SLC26A9: variants seen among roughly 807,000 people sequenced by gnomAD.
SLC26A9 encodes solute carrier family 26 member 9, also known as anion transporter/exchanger protein 9.
SLC26A9 carries 46 observed loss-of-function variants against 87.1 expected under a neutral mutation model. That is an observed-to-expected ratio of 0.53 (90% CI 0.42 to 0.67). The LOEUF (loss-of-function observed/expected upper bound fraction) is 0.67. Ranked by LOEUF, SLC26A9 falls within the 30% of genes least tolerant of loss-of-function variation. The pLI, the probability that SLC26A9 is intolerant of heterozygous loss-of-function variation, is 0.00. For synonymous variants in SLC26A9, 437 were observed against 409.1 expected (o/e 1.07, Z -0.82); for missense variants, 927 against 1,018.3 (o/e 0.91, Z 1.22).
chr1:205,924,525 A>G (rs761273970), intron 12 of SLC26A9, 36 bp from the exon 13 acceptor site: 3 of 1,596,810 alleles, frequency 1.9e-6, no homozygotes, highest in African/African-American at 1.3e-5. Flanking sequence ...AGACCTGGGG[A>G]AAAAACAACC....
intron 18 of SLC26A9, 99 bp downstream of exon 18, chr1:205,920,077 T>TA: frequency 7.3e-7 from 1 of 1,374,888 alleles, no homozygotes; most frequent in Non-Finnish European, 1.0e-6. Context: ...AGCTGGGTGC[T>TA]CTCGTTTCCA....
At position 205,918,914 on chromosome 1, in the gene SLC26A9, G is replaced by A. The variant is rs1346297863; in HGVS notation, c.2182C>T (p.Pro728Ser). ...DGSLECKHVF[P>S]SIHDAVLFAQ... Reference sequence around the variant, plus strand: ...AAGAGGACTGCGTCATGTATGCTGGGAAAGACGTGCTTGCATTCTAGACTC... The same window carrying A: ...AAGAGGACTGCGTCATGTATGCTGGAAAAGACGTGCTTGCATTCTAGACTC... Residue 728 changes from proline (P) to serine (S), a missense_variant, in exon 19 of 21, where the codon CCC (proline) becomes TCC (serine). Physicochemically the swap from Pro to Ser is moderately conservative, Grantham distance 74 (BLOSUM62 -1). Coordinates refer to ENST00000367135, the MANE Select transcript of SLC26A9 (RefSeq NM_052934.4). 6.2e-7 allele frequency: 1 copy of A among 1,614,210 alleles called. No individual in the cohort carries two copies. The highest frequency in any genetic ancestry group is 8.5e-7 in the Non-Finnish European group (1 of 1,180,022).
chr1:205,935,514 C>T, intron 2 of SLC26A9, 182 bp downstream of exon 2: 1 of 890,166 alleles, frequency 1.1e-6, no homozygotes. Flanking sequence ...GCTCCCCATC[C>T]TCCCTGGGGG....
intron 12 of SLC26A9, among the ~76,000 whole-genome samples, chr1:205,925,194 G>A (rs1435600000): frequency 6.6e-6 from 1 of 152,236 alleles, no homozygotes; most frequent in Non-Finnish European, 1.5e-5. Context: ...TCCTAGCCTA[G>A]TGATGGATGC....
intron 20 of SLC26A9, 46 bp from the exon 21 acceptor site, chr1:205,915,450 G>C (rs369666722): frequency 6.2e-7 from 1 of 1,613,062 alleles, no homozygotes; most frequent in African/African-American, 1.3e-5. Context: ...AGAGAGGTTA[G>C]ACCAGTTGGG....
intron 17 of SLC26A9, among the ~76,000 whole-genome samples, chr1:205,920,934 C>T (rs760397698): frequency 8.5e-5 from 13 of 152,230 alleles, no homozygotes; most frequent in South Asian, 2.1e-4. Flanking sequence ...CTAAGGAAGC[C>T]GGCTGAGGCC....
intron 8 of SLC26A9, 33 bp downstream of exon 8, chr1:205,928,794 G>A: frequency 6.2e-7 from 1 of 1,609,322 alleles, no homozygotes; most frequent in South Asian, 1.1e-5. Flanking sequence ...ATGAGGTGCG[G>A]GTGGGCCAGG....
In SLC26A9 at chr1:205,913,808, C is replaced by G. The variant is rs566502254; in HGVS notation, c.*1549G>C. On this transcript the variant is annotated 3_prime_UTR_variant, in exon 21 of 21. Coordinates refer to ENST00000367135, the MANE Select transcript of SLC26A9 (RefSeq NM_052934.4). ...TGTGTTGGCTCTTGGCCAGCACCCCCTCCTTTAACTCTAAGAAGACTTGTT... is the reference window on the plus strand; with the variant it reads ...TGTGTTGGCTCTTGGCCAGCACCCCGTCCTTTAACTCTAAGAAGACTTGTT... 6.6e-6 allele frequency: 1 copy of G among 152,668 alleles called. No individual in the cohort carries two copies. The highest frequency in any genetic ancestry group is 2.4e-5 in the African/African-American group (1 of 41,548). 9.5% of individuals were successfully genotyped at this position (152,668 alleles called of 1,614,324 possible).
At chr1:205,923,267 G>C in intron 15 of SLC26A9, 68 bp downstream of exon 15, 1 of 1,609,162 alleles carries the variant, frequency 6.2e-7, no homozygotes, top group South Asian at 1.1e-5. Flanking sequence ...AGCTCCCACC[G>C]CCCTTCTGCT....
chr1:205,919,304 C>G (rs369656910), intron 18 of SLC26A9, among the ~76,000 whole-genome samples: 15 of 152,290 alleles, frequency 9.8e-5, no homozygotes, highest in African/African-American at 3.6e-4. Flanking sequence ...CCCAAGGACC[C>G]ATCCTTCCTC....
intron 5 of SLC26A9, among the ~76,000 whole-genome samples, chr1:205,931,486 A>G (rs1659306739): frequency 4.8e-5 from 1 of 20,888 alleles, no homozygotes; most frequent in Non-Finnish European, 9.1e-5. Context: ...TTTTTTTTTG[A>G]GACGGAGTCT....
At chr1:205,929,736 GA>G (rs1490017093) in intron 6 of SLC26A9, among the ~76,000 whole-genome samples, 155 bp downstream of exon 6, 1 of 152,138 alleles carries the variant, frequency 6.6e-6, no homozygotes, top group Non-Finnish European at 1.5e-5. Context: ...TCATGACTTT[GA>G]CCCTCCCAAG....
At position 205,932,969 on chromosome 1, in the gene SLC26A9, C is replaced by T. The variant is rs1412352281; in HGVS notation, c.241G>A (p.Gly81Arg). Residue 81 changes from glycine to arginine, a missense_variant, in exon 3 of 21, where the codon GGG becomes AGG. By Grantham distance (125) the Gly-to-Arg change is moderately radical. Coordinates refer to ENST00000367135, the MANE Select transcript of SLC26A9 (RefSeq NM_052934.4). ...IIPDLLGGLS[G>R]GSIQVPQGMA... ...CCTTGTGGGACCTGGATGGATCCCC[C>T]GCTGAGTCCACCGAGCAGGTCAGGA... The T allele has an allele frequency of 8.7e-6, 14 of 1,613,836 alleles. No individual in the cohort carries two copies. The highest frequency in any genetic ancestry group is 5.0e-5 in the Admixed American group (3 of 59,978).
rs368143892 is a variant in SLC26A9 at position 205,928,960 on chromosome 1, G to A, written c.871-51C>T. 5 of 1,594,756 alleles carry A rather than the reference G, an allele frequency of 3.1e-6. No homozygotes were observed. In the South Asian group the frequency reaches 3.3e-5, roughly 11 times the overall value. Reference sequence around the variant, plus strand: ...GGATTGGCCCTAAGGTGGGGCCAGGGCAGGCGTCTCTCTCAAGTCTCCCTT... The same window carrying A: ...GGATTGGCCCTAAGGTGGGGCCAGGACAGGCGTCTCTCTCAAGTCTCCCTT... On this transcript the variant is annotated intron_variant, in intron 7 of 20. Transcript: ENST00000367135.
chr1:205,934,441 A>C (rs1659428238), intron 2 of SLC26A9, among the ~76,000 whole-genome samples: 1 of 152,050 alleles, frequency 6.6e-6, no homozygotes, highest in Non-Finnish European at 1.5e-5. Flanking sequence ...AAGAAAAACA[A>C]CTCATTTGAG....
rs142375896 is a variant in SLC26A9, at chr1:205,927,267, G to C, written c.1237C>G (p.Leu413Val). The change falls in exon 11 of 21, where the codon CTG becomes GTG. Residue 413 changes from leucine to valine, a missense_variant. Coordinates refer to ENST00000367135, the MANE Select transcript of SLC26A9 (RefSeq NM_052934.4). Reference sequence around the variant, plus strand: ...ACCAGCATGGTGATCATCACCACCAGAGACACACACAGGCTGGCCACCTAT... The same window carrying C: ...ACCAGCATGGTGATCATCACCACCACAGACACACACAGGCTGGCCACCTAT... ...KSQVASLCVS[L>V]VVMITMLVLG... 3.9e-3 allele frequency: 6,323 copies of C among 1,614,178 alleles called. 16 individuals carry two copies. Among genetic ancestry groups the C allele is most frequent in the Non-Finnish European group, 4.8e-3 (5,659 of 1,180,008 alleles).
chr1:205,929,001 G>A (rs1659195824), intron 7 of SLC26A9, 92 bp from the exon 8 acceptor site: 4 of 1,522,082 alleles, frequency 2.6e-6, no homozygotes, highest in Middle Eastern at 2.1e-4. Flanking sequence ...TGGGGACCCT[G>A]AATCCCACTC....
At position 205,927,608 on chromosome 1, in the gene SLC26A9, G is replaced by T. The variant is rs373841642; in HGVS notation, c.1102-3C>A. On this transcript the variant is annotated splice_polypyrimidine_tract_variant and splice_region_variant and intron_variant, in intron 9 of 20. Coordinates refer to ENST00000367135, the MANE Select transcript of SLC26A9 (RefSeq NM_052934.4). ...CTGCAGCCGAGAGCGATCATCTCCT[G>T]CAGGGAGGGGACAGGATTAGAAGCC... 4.3e-5 allele frequency: 69 copies of T among 1,611,976 alleles called. No individual in the cohort carries two copies. Among genetic ancestry groups the T allele is most frequent in the Middle Eastern group, 3.3e-4 (2 of 6,068 alleles).
Position 205,913,960 on chromosome 1 carries a change from G to C in SLC26A9, c.*1397C>G, listed in dbSNP as rs1483401064. 6.6e-6 allele frequency: 1 copy of C among 152,210 alleles called. No homozygotes were observed. Among genetic ancestry groups the C allele is most frequent in the Non-Finnish European group, 1.5e-5 (1 of 68,044 alleles). 9.4% of individuals were successfully genotyped at this position (152,210 alleles called of 1,614,324 possible). A position where few individuals can be genotyped will look rare whatever the true frequency, so the allele number is the denominator to read the frequency against. ...AGGGGTTGTTAAGCTGAAGAAGCTT[G>C]AGAAAAGCAGTGATGAGAGGCCAGA... is the stretch of plus-strand genomic sequence containing the variant. On this transcript the variant is annotated 3_prime_UTR_variant, in exon 21 of 21. Transcript: ENST00000367135.
Sources: allele counts gnomAD v4.1 joint callset (sites outside exome capture counted in the v4.1 genomes callset), GRCh38; gene constraint gnomAD v4.1.1; transcripts MANE v1.5; gene names NCBI Gene and HGNC (gene_info 2026-07-23, HGNC 2026-07-21).